Variants in FBN2 observed in about 807,000 individuals in gnomAD.
The protein encoded by FBN2 is fibrillin-2.
FBN2 carries 105 observed loss-of-function variants against 355.6 expected under a neutral mutation model. The observed-to-expected ratio is 0.30, with a 90% CI of 0.25 to 0.35. The LOEUF (loss-of-function observed/expected upper bound fraction) is 0.35. Among genes scored for constraint, FBN2 ranks in the 10% least tolerant of loss-of-function variants. The probability of loss-of-function intolerance (pLI) is 1.00; values close to 1 mark genes in which losing one functional copy is unlikely to be tolerated. For missense variants in FBN2, 3,280 were observed against 3,758.7 expected (o/e 0.87, Z 3.33); for synonymous variants, 1,350 against 1,301.2 (o/e 1.04, Z -0.81).
chr5:128,446,645 T>C (rs780893604), intron 6 of FBN2, 39 bp from the exon 7 acceptor site: 1 of 1,607,168 alleles, frequency 6.2e-7, no homozygotes, highest in South Asian at 1.1e-5. Flanking sequence ...ATGACACTGG[T>C]TTTCAGAATA....
intron 58 of FBN2, 72 bp from the exon 59 acceptor site, chr5:128,276,232 T>G: frequency 6.7e-7 from 1 of 1,483,862 alleles, no homozygotes; most frequent in Non-Finnish European, 9.4e-7. Flanking sequence ...CCTTCCATAT[T>G]CTCACTTCAT....
At chr5:128,308,417 G>T (rs1749942866) in intron 41 of FBN2, among the ~76,000 whole-genome samples, 1 of 152,064 alleles carries the variant, frequency 6.6e-6, no homozygotes. Context: ...CCTATGTGTT[G>T]CTTTTCATCA....
intron 54 of FBN2, among the ~76,000 whole-genome samples, 186 bp downstream of exon 54, chr5:128,287,122 A>G (rs1322584482): frequency 6.6e-6 from 1 of 152,204 alleles, no homozygotes; most frequent in African/African-American, 2.4e-5. Flanking sequence ...CTTATCTCGG[A>G]CTTGATTTTA....
chr5:128,331,053 G>A (rs1252744048), intron 32 of FBN2, among the ~76,000 whole-genome samples: 1 of 152,120 alleles, frequency 6.6e-6, no homozygotes, highest in East Asian at 1.9e-4. Context: ...TTTCAGAGCA[G>A]GAAAATTAAC....
intron 15 of FBN2, among the ~76,000 whole-genome samples, chr5:128,374,417 C>A (rs1384107736): frequency 6.6e-6 from 1 of 152,096 alleles, no homozygotes; most frequent in Non-Finnish European, 1.5e-5. Flanking sequence ...AACGGACTTG[C>A]CGATTCTGGA....
intron 5 of FBN2, among the ~76,000 whole-genome samples, chr5:128,518,640 C>T (rs765790103): frequency 5.3e-5 from 8 of 152,202 alleles, no homozygotes; most frequent in Non-Finnish European, 1.2e-4. Flanking sequence ...GAGGCTATTG[C>T]TGGCCCACAG....
intron 61 of FBN2, among the ~76,000 whole-genome samples, chr5:128,272,999 T>C (rs1389102963): frequency 6.6e-6 from 1 of 152,148 alleles, no homozygotes; most frequent in African/African-American, 2.4e-5. Context: ...CCCACAAGCC[T>C]TACAGAGAGC....
chr5:128,478,176 T>A (rs1165015813), intron 5 of FBN2, among the ~76,000 whole-genome samples: 1 of 152,184 alleles, frequency 6.6e-6, no homozygotes. Context: ...TAAGTATTTT[T>A]GCAACGCTGA....
intron 7 of FBN2, among the ~76,000 whole-genome samples, chr5:128,428,786 A>C (rs1753545617): frequency 6.6e-6 from 1 of 152,136 alleles, no homozygotes; most frequent in South Asian, 2.1e-4. Flanking sequence ...CAGTGACGGA[A>C]CTCCGTAAAT....
intron 41 of FBN2, 145 bp downstream of exon 41, chr5:128,309,102 T>C: frequency 1.3e-6 from 1 of 772,732 alleles, no homozygotes; most frequent in Admixed American, 2.1e-5. Flanking sequence ...GAGGATCACT[T>C]GGGAAACAGA....
chr5:128,276,137 G>A lies in FBN2; in HGVS notation c.7495C>T (p.Pro2499Ser). ...TTGCAGATGTAGTTGCATGGTTTCGGGGACTGGGAGCATTCATCAAGGTCT... is the reference window on the plus strand; with the variant it reads ...TTGCAGATGTAGTTGCATGGTTTCGAGGACTGGGAGCATTCATCAAGGTCT... ...CIDLDECSQS[P>S]KPCNYICKNT... Residue 2499 changes from proline to serine, a missense_variant, in exon 59 of 65, where the codon CCG (proline) becomes TCG (serine). Transcript: ENST00000262464. 1 of 1,613,756 alleles carries A rather than the reference G, an allele frequency of 6.2e-7. No individual in the cohort carries two copies. Among genetic ancestry groups the A allele is most frequent in the Non-Finnish European group, 8.5e-7 (1 of 1,179,766 alleles).
chr5:128,387,712 T>C (rs897782016), intron 11 of FBN2, among the ~76,000 whole-genome samples: 7 of 152,170 alleles, frequency 4.6e-5, no homozygotes, highest in African/African-American at 1.7e-4. Context: ...GAGAGTGTGG[T>C]TGGTATAATT....
At chr5:128,480,571 A>G (rs1755154909) in intron 5 of FBN2, among the ~76,000 whole-genome samples, 1 of 152,142 alleles carries the variant, frequency 6.6e-6, no homozygotes, top group African/African-American at 2.4e-5. Context: ...TTAGCTGGGC[A>G]TGAGGGCGGG....
chr5:128,296,516 C>T (rs1418323056), intron 48 of FBN2, among the ~76,000 whole-genome samples: 2 of 152,004 alleles, frequency 1.3e-5, no homozygotes, highest in Admixed American at 6.6e-5. Context: ...AATTTCAGAA[C>T]CTGTTATTGG....
chr5:128,368,617 G>A (rs1176800582), intron 16 of FBN2, among the ~76,000 whole-genome samples: 1 of 151,518 alleles, frequency 6.6e-6, no homozygotes, highest in Non-Finnish European at 1.5e-5. Context: ...AGGCTATCAT[G>A]TTCATGTAAA....
intron 5 of FBN2, among the ~76,000 whole-genome samples, chr5:128,466,807 A>G (rs886468012): frequency 6.6e-6 from 1 of 152,208 alleles, no homozygotes; most frequent in African/African-American, 2.4e-5. Flanking sequence ...ATACGTGAAG[A>G]TATGGCAACC....
At chr5:128,288,417 T>A in intron 53 of FBN2, 21 bp downstream of exon 53, 1 of 1,613,072 alleles carries the variant, frequency 6.2e-7, no homozygotes, top group Non-Finnish European at 8.5e-7. Context: ...AGAAATAATA[T>A]TTAAGACAAA....
chr5:128,530,202 T>C (rs1171012014), intron 3 of FBN2, among the ~76,000 whole-genome samples: 1 of 152,210 alleles, frequency 6.6e-6, no homozygotes, highest in Non-Finnish European at 1.5e-5. Flanking sequence ...AGTTAATACA[T>C]GTGAAGCAAA....
chr5:128,387,478 A>G (rs1752396991), intron 11 of FBN2, among the ~76,000 whole-genome samples: 1 of 151,954 alleles, frequency 6.6e-6, no homozygotes, highest in Non-Finnish European at 1.5e-5. Flanking sequence ...TCAGCTCTGA[A>G]TTTGGTTATT....
Sources: allele counts gnomAD v4.1 joint callset (sites outside exome capture counted in the v4.1 genomes callset), GRCh38; gene constraint gnomAD v4.1.1; transcripts MANE v1.5; gene names NCBI Gene and HGNC (gene_info 2026-07-23, HGNC 2026-07-21).